SLC37A1: variants seen among roughly 807,000 people sequenced by gnomAD.
SLC37A1 encodes the protein glucose-6-phosphate exchanger SLC37A1.
In SLC37A1, 49 loss-of-function variants were observed where a neutral mutation model predicts 75.3. The observed-to-expected ratio is 0.65, with a 90% CI of 0.52 to 0.83. The LOEUF (loss-of-function observed/expected upper bound fraction) is 0.83, where lower values mean the gene tolerates loss of function less well. SLC37A1 is among the 40% of genes least tolerant of loss of function. SLC37A1 has a pLI of 0.00. For missense variants in SLC37A1, 566 were observed against 695.0 expected (o/e 0.81, Z 2.09); for synonymous variants, 268 against 292.1 (o/e 0.92, Z 0.84).
chr21:42,578,001 C>T (rs17767618), intron 18 of SLC37A1, among the ~76,000 whole-genome samples: 387 of 152,316 alleles, frequency 2.5e-3, no homozygotes, highest in African/African-American at 9.0e-3. Flanking sequence ...GGTCCGTGAG[C>T]TTGAGTTGGG....
chr21:42,548,544 C>A lies in SLC37A1; in HGVS notation c.768+1404C>A, dbSNP rs573741287. On this transcript the variant is annotated intron_variant, in intron 9 of 19. Transcript: ENST00000352133. This position sits in a 1 kb window ranked among gnomAD's most constrained non-coding sequence, Gnocchi z 5.6. ...TGTGAGGGGATGTGGAATGGAAACC[C>A]TCTCACCTCCTCCGCCTCTACCACC... Among the ~76,000 whole-genome samples, 3 of 152,128 alleles carry A rather than the reference C, an allele frequency of 2.0e-5. No homozygotes were observed. The highest frequency in any genetic ancestry group is 7.2e-5 in the African/African-American group (3 of 41,426).
At chr21:42,519,025 G>A (rs375704243) in intron 2 of SLC37A1, among the ~76,000 whole-genome samples, 1 of 152,150 alleles carries the variant, frequency 6.6e-6, no homozygotes, top group African/African-American at 2.4e-5. Flanking sequence ...CTCCTTGAAG[G>A]AAACAGTTGA....
At chr21:42,534,175 G>T (rs2055071566) in intron 3 of SLC37A1, among the ~76,000 whole-genome samples, 1 of 152,122 alleles carries the variant, frequency 6.6e-6, no homozygotes, top group Non-Finnish European at 1.5e-5. Flanking sequence ...CCCATGCTTG[G>T]ACTTCCTATG....
At chr21:42,565,046 C>T (rs2055941440) in intron 14 of SLC37A1, among the ~76,000 whole-genome samples, 1 of 152,282 alleles carries the variant, frequency 6.6e-6, no homozygotes, top group South Asian at 2.1e-4. Flanking sequence ...TTTGGGGTGC[C>T]CCCTTGCCCC....
intron 18 of SLC37A1, among the ~76,000 whole-genome samples, chr21:42,578,258 G>A (rs138932763): frequency 2.9e-4 from 44 of 152,324 alleles, no homozygotes; most frequent in Non-Finnish European, 5.1e-4. Context: ...TCTCCAGTGC[G>A]TGTCGCCTGG....
At chr21:42,517,314 G>A (rs79546911) in intron 1 of SLC37A1, among the ~76,000 whole-genome samples, 7,982 of 152,308 alleles carry the variant, frequency 0.052, 307 homozygotes, top group South Asian at 0.14. Context: ...CTTGGAAGGA[G>A]GAGGTATTGG....
chr21:42,569,000 G>A (rs112751911), intron 17 of SLC37A1, among the ~76,000 whole-genome samples: 4,291 of 152,334 alleles, frequency 0.028, 100 homozygotes, highest in Non-Finnish European at 0.044. Context: ...TGGGGAGCAC[G>A]CACAGTGGCT....
At chr21:42,525,380 C>A (rs1008057693) in intron 2 of SLC37A1, among the ~76,000 whole-genome samples, 2 of 152,222 alleles carry the variant, frequency 1.3e-5, no homozygotes, top group Non-Finnish European at 2.9e-5. Context: ...GCCGGAGCCC[C>A]GCCCTGTGGG....
At chr21:42,517,160 G>A (rs967602022) in intron 1 of SLC37A1, among the ~76,000 whole-genome samples, 1 of 152,184 alleles carries the variant, frequency 6.6e-6, no homozygotes, top group African/African-American at 2.4e-5. Flanking sequence ...CTACGTACCA[G>A]GCCACTTATC....
At chr21:42,538,457 T>C (rs1241467286) in intron 5 of SLC37A1, among the ~76,000 whole-genome samples, 3 of 152,224 alleles carry the variant, frequency 2.0e-5, no homozygotes, top group African/African-American at 7.2e-5. Flanking sequence ...GCTGAGAACA[T>C]TGGAGCTGAC....
At chr21:42,569,867 A>G (rs79766537) in intron 17 of SLC37A1, among the ~76,000 whole-genome samples, 33 of 152,358 alleles carry the variant, frequency 2.2e-4, no homozygotes, top group African/African-American at 7.7e-4. Context: ...GGCTGACTGC[A>G]CAGTGAGGAG....
At chr21:42,515,645 A>C (rs2054509892) in intron 1 of SLC37A1, among the ~76,000 whole-genome samples, 1 of 152,140 alleles carries the variant, frequency 6.6e-6, no homozygotes, top group Non-Finnish European at 1.5e-5. Flanking sequence ...ATAGGTATAA[A>C]ACCATGTGTC....
At chr21:42,526,358 A>G (rs534889994) in intron 3 of SLC37A1, among the ~76,000 whole-genome samples, 14 of 152,336 alleles carry the variant, frequency 9.2e-5, no homozygotes, top group African/African-American at 3.4e-4. Flanking sequence ...CACCAGTTAT[A>G]ACCTGGAGAA....
chr21:42,573,053 ATGGAAGCTTGG>A lies in SLC37A1; in HGVS notation c.1424-1756_1424-1746del, dbSNP rs773578829. 6.4e-4 allele frequency among the ~76,000 whole-genome samples: 97 copies of A among 152,258 alleles called. 1 individual carries two copies. Among genetic ancestry groups the A allele is most frequent in the Non-Finnish European group, 1.3e-3 (88 of 67,998 alleles). ...CAGCTGCCAACATCCTTGCCATGGC[ATGGAAGCTTGG>A]TGGAAGCTGGTGTCTTTCCCCAGAT... On this transcript the variant is annotated intron_variant, in intron 17 of 19. Coordinates refer to ENST00000352133, the MANE Select transcript of SLC37A1 (RefSeq NM_001320537.2).
At chr21:42,567,395 T>C (rs1042511314) in intron 16 of SLC37A1, among the ~76,000 whole-genome samples, 9 of 152,196 alleles carry the variant, frequency 5.9e-5, no homozygotes, top group Admixed American at 1.3e-4. Flanking sequence ...GAAGAGGCGC[T>C]GGGGGATTCG....
chr21:42,569,074 C>T (rs917877394), intron 17 of SLC37A1, among the ~76,000 whole-genome samples: 1 of 152,160 alleles, frequency 6.6e-6, no homozygotes, highest in Non-Finnish European at 1.5e-5. Flanking sequence ...AGGGTCCTTC[C>T]TACATGGGGG....
At chr21:42,568,586 C>T (rs2056041590) in intron 17 of SLC37A1, 148 bp downstream of exon 17, 2 of 755,186 alleles carry the variant, frequency 2.6e-6, no homozygotes, top group Non-Finnish European at 2.3e-6. Context: ...GAGCAGGGGA[C>T]ATCGGCACAC....
At chr21:42,578,045 C>A (rs2056343764) in intron 18 of SLC37A1, among the ~76,000 whole-genome samples, 1 of 152,236 alleles carries the variant, frequency 6.6e-6, no homozygotes, top group South Asian at 2.1e-4. Flanking sequence ...ATACCTTTTT[C>A]TCTTCACTGA....
chr21:42,564,205 T>A (rs59970378), intron 13 of SLC37A1, among the ~76,000 whole-genome samples: 7,692 of 90,368 alleles, frequency 0.085, 775 homozygotes, highest in African/African-American at 0.27. Flanking sequence ...CCAGGCAACA[T>A]AACAAGACCC....
Sources: allele counts gnomAD v4.1 joint callset (sites outside exome capture counted in the v4.1 genomes callset), GRCh38; gene constraint gnomAD v4.1.1; non-coding constraint Gnocchi (gnomAD v3.1); transcripts MANE v1.5; gene names NCBI Gene and HGNC (gene_info 2026-07-23, HGNC 2026-07-21).